The following ZSCAN23 variants were observed in gnomAD, a reference collection of about 807,000 sequenced individuals.
ZSCAN23 encodes the protein zinc finger and SCAN domain-containing protein 23.
In ZSCAN23, 19 loss-of-function variants were observed where a neutral mutation model predicts 19.3. The ratio of observed to expected loss-of-function variants is 0.99; its 90% CI spans 0.69 to 1.45. The LOEUF is 1.45. ZSCAN23 is among the 40% of genes most tolerant of loss of function. The pLI, the probability that ZSCAN23 is intolerant of heterozygous loss-of-function variation, is 0.00. For synonymous variants in ZSCAN23, 140 were observed against 166.2 expected (o/e 0.84, Z 1.21); for missense variants, 372 against 462.5 (o/e 0.80, Z 1.79).
downstream of ZSCAN23, among the ~76,000 whole-genome samples, chr6:28,432,415 C>T (rs1317999349): frequency 4.6e-5 from 7 of 152,014 alleles, no homozygotes; most frequent in Admixed American, 4.6e-4. Context: ...TTATAATACC[C>T]GCAATAAGCC....
rs530676472 is a variant in ZSCAN23 at position 28,436,742 on chromosome 6, G to A, written c.-77-399C>T. On this transcript the variant is annotated intron_variant, in intron 1 of 3. Transcript: ENST00000289788. ...AAAAGGGAAACAAATGGAGGATGGA[G>A]GGAAAGTAAAGAATATAAAAAGAAT... 2.6e-5 allele frequency among the ~76,000 whole-genome samples: 4 copies of A among 152,256 alleles called. No individual in the cohort carries two copies. In the East Asian group the frequency reaches 5.8e-4, roughly 22 times the overall value.
chr6:28,434,597 T>A lies in ZSCAN23; in HGVS notation c.1038A>T (p.Ser346=). The A allele has an allele frequency of 6.4e-7, 1 of 1,555,516 alleles. No homozygotes were observed. The highest frequency in any genetic ancestry group is 8.7e-7 in the Non-Finnish European group (1 of 1,149,228). The change falls in exon 4 of 4, where the codon TCA becomes TCT. Residue 346 remains serine (S), a synonymous_variant. Coordinates refer to ENST00000289788, the MANE Select transcript of ZSCAN23 (RefSeq NM_001012455.2). The part of the protein sequence containing the change: ...NQCNKSFSRR[S]VLIKHQRIHT... Reference sequence around the variant, plus strand: ...GAATTCTCTGATGCTTAATGAGGACTGAACGTCGACTAAAACTCTTATTGC... The same window carrying A: ...GAATTCTCTGATGCTTAATGAGGACAGAACGTCGACTAAAACTCTTATTGC...
downstream of ZSCAN23, among the ~76,000 whole-genome samples, chr6:28,431,149 T>C (rs1019230507): frequency 2.0e-5 from 3 of 152,208 alleles, no homozygotes; most frequent in African/African-American, 4.8e-5. Context: ...TATCCCATCC[T>C]TTCTTTCCTA....
rs1436488158 is a variant in ZSCAN23, at chr6:28,435,368, T to A, written c.556+92A>T. 3 of 1,458,078 alleles carry A rather than the reference T, an allele frequency of 2.1e-6. No individual in the cohort carries two copies. The African/African-American group carries it at 4.2e-5, about 21-fold the overall frequency. 90.3% of individuals were successfully genotyped at this position (1,458,078 alleles called of 1,614,324 possible). A position where few individuals can be genotyped will look rare whatever the true frequency, so the allele number is the denominator to read the frequency against. On this transcript the variant is annotated intron_variant, in intron 3 of 3. Coordinates refer to ENST00000289788, the MANE Select transcript of ZSCAN23 (RefSeq NM_001012455.2). ...ACTGTATCCCTGGTACCTGGCACAG[T>A]GCCTGGCATACAGCAGACACTAAAT...
the ZSCAN23 span, among the ~76,000 whole-genome samples, chr6:28,425,445 A>G: frequency 1.3e-5 from 2 of 152,088 alleles, no homozygotes; most frequent in Non-Finnish European, 2.9e-5. Context: ...TACCCACCTT[A>G]GCCTCCCTAG....
At chr6:28,437,331 T>C (rs1222581105) in intron 1 of ZSCAN23, among the ~76,000 whole-genome samples, 1 of 152,174 alleles carries the variant, frequency 6.6e-6, no homozygotes, top group African/African-American at 2.4e-5. Context: ...AAAATAAAAT[T>C]ACTGCTAATA....
At chr6:28,429,997 C>T (rs1761727426), downstream of ZSCAN23, among the ~76,000 whole-genome samples, 1 of 152,206 alleles carries the variant, frequency 6.6e-6, no homozygotes, top group Admixed American at 6.5e-5. Context: ...CATTTGTGCA[C>T]ACCACCTGGC....
chr6:28,435,554 T>G lies in ZSCAN23; in HGVS notation c.462A>C (p.Pro154=), dbSNP rs976759665. The change falls in exon 3 of 4, where the codon CCA becomes CCC. Residue 154 remains proline, a synonymous_variant. Coordinates refer to ENST00000289788, the MANE Select transcript of ZSCAN23 (RefSeq NM_001012455.2). ...CATTTGATGACTCCTGAGCTGCTCC[T>G]GGAGTTGCCTTCTCCTTTACAAACT... ...QEEFVKEKAT[P]GAAQESSNDQ... is the part of the protein sequence containing the mutation. The G allele has an allele frequency of 9.0e-6, 14 of 1,551,648 alleles. No individual in the cohort carries two copies. The highest frequency in any genetic ancestry group is 1.2e-5 in the Non-Finnish European group (14 of 1,147,016).
downstream of ZSCAN23, among the ~76,000 whole-genome samples, chr6:28,432,362 C>T (rs1453909695): frequency 6.6e-6 from 1 of 152,050 alleles, no homozygotes; most frequent in Non-Finnish European, 1.5e-5. Flanking sequence ...ATAATTTAAC[C>T]TCAAGACACA....
chr6:28,432,609 G>T (rs1027611953), downstream of ZSCAN23: 4 of 152,082 alleles, frequency 2.6e-5, no homozygotes, highest in Non-Finnish European at 5.9e-5. Context: ...TGAACAGAAG[G>T]AATTTAACTT....
At chr6:28,438,121 G>T (rs1761930065) in intron 1 of ZSCAN23, among the ~76,000 whole-genome samples, 1 of 148,972 alleles carries the variant, frequency 6.7e-6, no homozygotes, top group Non-Finnish European at 1.5e-5. Flanking sequence ...TTTTGAGAAG[G>T]AGTCTTGCTC....
intron 1 of ZSCAN23, among the ~76,000 whole-genome samples, chr6:28,439,044 A>G (rs6917130): frequency 0.39 from 59,732 of 151,732 alleles, 12,238 homozygotes; most frequent in African/African-American, 0.5. Context: ...ACCCCAGGAA[A>G]TGTACAGAGG....
intron 1 of ZSCAN23, among the ~76,000 whole-genome samples, chr6:28,441,014 A>G (rs1761987592): frequency 6.6e-6 from 1 of 152,168 alleles, no homozygotes; most frequent in Admixed American, 6.6e-5. Context: ...CACAACCTCA[A>G]TGTATATGCC....
downstream of ZSCAN23, among the ~76,000 whole-genome samples, chr6:28,430,913 C>T (rs1761749131): frequency 6.6e-6 from 1 of 152,162 alleles, no homozygotes; most frequent in African/African-American, 2.4e-5. Flanking sequence ...AAGCTCTGAT[C>T]CAGTACTCTA....
At chr6:28,430,673 G>T (rs1338658009), downstream of ZSCAN23, among the ~76,000 whole-genome samples, 1 of 151,996 alleles carries the variant, frequency 6.6e-6, no homozygotes, top group Non-Finnish European at 1.5e-5. Context: ...CCCCACCCCT[G>T]CAGTCAATGA....
chr6:28,425,263 C>A, the ZSCAN23 span, among the ~76,000 whole-genome samples: 1 of 152,154 alleles, frequency 6.6e-6, no homozygotes, highest in African/African-American at 2.4e-5. Flanking sequence ...AATGTGCTAT[C>A]GTCCAGGCTT....
At chr6:28,432,196 G>A (rs560775227), downstream of ZSCAN23, 42 of 152,168 alleles carry the variant, frequency 2.8e-4, no homozygotes, top group Middle Eastern at 6.8e-3. Flanking sequence ...AAATGGAGAA[G>A]CATTTAAGAT....
chr6:28,434,318 G>T lies in ZSCAN23; in HGVS notation c.*147C>A. The T allele has an allele frequency of 1.1e-6, 1 of 928,500 alleles. No homozygotes were observed. Among genetic ancestry groups the T allele is most frequent in the Non-Finnish European group, 1.6e-6 (1 of 641,444 alleles). 57.5% of individuals were successfully genotyped at this position (928,500 alleles called of 1,614,324 possible). A position where few individuals can be genotyped will look rare whatever the true frequency, so the allele number is the denominator to read the frequency against. On this transcript the variant is annotated 3_prime_UTR_variant, in exon 4 of 4. Coordinates refer to ENST00000289788, the MANE Select transcript of ZSCAN23 (RefSeq NM_001012455.2). ...GCAAAGCTGTGGATGTCACTGATCA[G>T]AGAACTCGGCAGATGTATTTAAGAT...
chr6:28,421,885 A>T, the ZSCAN23 span, among the ~76,000 whole-genome samples: 1 of 152,168 alleles, frequency 6.6e-6, no homozygotes, highest in East Asian at 1.9e-4. Context: ...TAAAAAACAA[A>T]ATGAACAAAA....
Sources: allele counts gnomAD v4.1 joint callset (sites outside exome capture counted in the v4.1 genomes callset), GRCh38; gene constraint gnomAD v4.1.1; transcripts MANE v1.5; gene names NCBI Gene and HGNC (gene_info 2026-07-23, HGNC 2026-07-21).